Variants in KCNQ3 observed in about 807,000 individuals in gnomAD.
KCNQ3 encodes the protein potassium voltage-gated channel subfamily KQT member 3.
Under a neutral mutation model 92.5 loss-of-function variants are expected in KCNQ3, and 30 were observed. The ratio of observed to expected loss-of-function variants is 0.32; its 90% confidence interval spans 0.24 to 0.44. KCNQ3 has a LOEUF of 0.44. Ranked by LOEUF, KCNQ3 falls within the 20% of genes least tolerant of loss-of-function variation. The pLI is 1.00. For missense variants in KCNQ3, 913 were observed against 1,140.3 expected (o/e 0.80, Z 2.87); for synonymous variants, 450 against 468.8 (o/e 0.96, Z 0.52).
At chr8:132,467,015 A>T (rs753031659) in intron 1 of KCNQ3, among the ~76,000 whole-genome samples, 3 of 152,232 alleles carry the variant, frequency 2.0e-5, no homozygotes, top group Non-Finnish European at 4.4e-5. Context: ...GCCAGCACTC[A>T]TCCCCACACT....
At chr8:132,412,677 G>C (rs1464248869) in intron 1 of KCNQ3, among the ~76,000 whole-genome samples, 3 of 152,204 alleles carry the variant, frequency 2.0e-5, no homozygotes, top group Non-Finnish European at 4.4e-5. Context: ...AGAGAGGCAT[G>C]ATGATGGCCC....
intron 1 of KCNQ3, among the ~76,000 whole-genome samples, chr8:132,433,142 C>T (rs1821296243): frequency 6.6e-6 from 1 of 152,124 alleles, no homozygotes; most frequent in South Asian, 2.1e-4. Flanking sequence ...AGGAGGTTAC[C>T]TCATACTTTA....
chr8:132,451,286 G>A (rs773792750), intron 1 of KCNQ3, among the ~76,000 whole-genome samples: 1 of 152,212 alleles, frequency 6.6e-6, no homozygotes, highest in Non-Finnish European at 1.5e-5. Flanking sequence ...CCAGCCACGT[G>A]GAACTGTGAG....
chr8:132,181,693 C>A (rs1459449498), intron 3 of KCNQ3, among the ~76,000 whole-genome samples: 1 of 152,114 alleles, frequency 6.6e-6, no homozygotes, highest in African/African-American at 2.4e-5. Flanking sequence ...ATCTCCATAT[C>A]TTTGTGTGTT....
chr8:132,252,030 T>C (rs1329004935), intron 1 of KCNQ3, among the ~76,000 whole-genome samples: 2 of 140,300 alleles, frequency 1.4e-5, no homozygotes, highest in Admixed American at 7.0e-5. Flanking sequence ...CAGAGTTAGC[T>C]TGCCCTTTGT....
chr8:132,425,452 G>T (rs1280656635), intron 1 of KCNQ3, among the ~76,000 whole-genome samples: 3 of 152,152 alleles, frequency 2.0e-5, no homozygotes, highest in Non-Finnish European at 4.4e-5. Context: ...GTGAGATAAA[G>T]AAGAAAATGT....
chr8:132,303,852 G>T (rs1328851708), intron 1 of KCNQ3, among the ~76,000 whole-genome samples: 1 of 148,890 alleles, frequency 6.7e-6, no homozygotes, highest in Non-Finnish European at 1.5e-5. Flanking sequence ...AATATTATAT[G>T]TGTATATATA....
intron 1 of KCNQ3, among the ~76,000 whole-genome samples, chr8:132,436,274 A>G (rs923347607): frequency 3.9e-5 from 6 of 152,230 alleles, no homozygotes; most frequent in African/African-American, 1.4e-4. Context: ...TTGAAACACT[A>G]TAAGAGAGTT....
intron 1 of KCNQ3, among the ~76,000 whole-genome samples, chr8:132,469,042 A>G (rs537259039): frequency 6.6e-5 from 10 of 152,352 alleles, no homozygotes; most frequent in South Asian, 6.2e-4. Context: ...GCATCCTGTG[A>G]CATCTGCAAA....
chr8:132,426,349 G>T (rs1400190347), intron 1 of KCNQ3, among the ~76,000 whole-genome samples: 8 of 152,188 alleles, frequency 5.3e-5, no homozygotes, highest in Admixed American at 5.2e-4. Context: ...CCTAAATAGC[G>T]TGTTTCAGTT....
chr8:132,349,194 G>A (rs929742794), intron 1 of KCNQ3, among the ~76,000 whole-genome samples: 1 of 152,170 alleles, frequency 6.6e-6, no homozygotes, highest in East Asian at 1.9e-4. Context: ...AGGTGAAGTG[G>A]CCTACCCAAG....
chr8:132,131,615 C>T (rs1824881006), intron 14 of KCNQ3, among the ~76,000 whole-genome samples: 1 of 152,146 alleles, frequency 6.6e-6, no homozygotes, highest in East Asian at 1.9e-4. Context: ...TCAACTCAGT[C>T]CTCACAGCAA....
chr8:132,253,929 C>T (rs539069952), intron 1 of KCNQ3, among the ~76,000 whole-genome samples: 2 of 152,312 alleles, frequency 1.3e-5, no homozygotes, highest in South Asian at 4.1e-4. Context: ...CATCTGTTAC[C>T]CACATTCTAA....
intron 1 of KCNQ3, among the ~76,000 whole-genome samples, chr8:132,426,178 A>C (rs1484516802): frequency 6.6e-6 from 1 of 152,212 alleles, no homozygotes; most frequent in Non-Finnish European, 1.5e-5. Context: ...GTAAGGCCTA[A>C]AGTTAAGGAT....
intron 1 of KCNQ3, among the ~76,000 whole-genome samples, chr8:132,314,440 A>C (rs978700675): frequency 4.6e-5 from 7 of 152,216 alleles, no homozygotes; most frequent in African/African-American, 1.7e-4. Flanking sequence ...CAAAACCCAA[A>C]GATTTTGGTG....
At chr8:132,354,121 A>G (rs1362600714) in intron 1 of KCNQ3, among the ~76,000 whole-genome samples, 2 of 152,122 alleles carry the variant, frequency 1.3e-5, no homozygotes, top group Non-Finnish European at 2.9e-5. Context: ...TTTCCCTCCT[A>G]GTGCCCACCT....
At chr8:132,397,873 A>G (rs1316054433) in intron 1 of KCNQ3, among the ~76,000 whole-genome samples, 1 of 152,168 alleles carries the variant, frequency 6.6e-6, no homozygotes, top group Non-Finnish European at 1.5e-5. Flanking sequence ...CTATCTATCC[A>G]TCTATCTATC....
intron 1 of KCNQ3, among the ~76,000 whole-genome samples, chr8:132,316,995 T>C (rs1464288144): frequency 6.6e-6 from 1 of 152,182 alleles, no homozygotes; most frequent in African/African-American, 2.4e-5. Context: ...TTAAGGACAA[T>C]TTACACATCT....
At chr8:132,360,749 C>T (rs769473591) in intron 1 of KCNQ3, among the ~76,000 whole-genome samples, 2 of 152,208 alleles carry the variant, frequency 1.3e-5, no homozygotes, top group Admixed American at 1.3e-4. Flanking sequence ...TCCATACCTC[C>T]CTTGTGTATT....
Sources: allele counts gnomAD v4.1 joint callset (sites outside exome capture counted in the v4.1 genomes callset), GRCh38; gene constraint gnomAD v4.1.1; transcripts MANE v1.5; gene names NCBI Gene and HGNC (gene_info 2026-07-23, HGNC 2026-07-21).